HMCN2: variants seen among roughly 807,000 people sequenced by gnomAD.
The protein encoded by HMCN2 is hemicentin 2, also known as hemicentin-2.
A neutral mutation model predicts 377.5 loss-of-function variants in HMCN2; 325 were observed. The ratio of observed to expected loss-of-function variants is 0.86; its 90% CI spans 0.79 to 0.94. The LOEUF is 0.94. Among genes scored for constraint, HMCN2 ranks in the 40% least tolerant of loss-of-function variants. The pLI is 0.00. For synonymous variants in HMCN2, 2,007 were observed against 2,046.8 expected, an observed-to-expected ratio of 0.98 and a Z score of 0.53; for missense variants, 4,543 against 4,725.3, an observed-to-expected ratio of 0.96 and a Z score of 1.13.
intron 4 of HMCN2, among the ~76,000 whole-genome samples, chr9:130,290,004 G>A (rs1835663367): frequency 6.6e-6 from 1 of 152,206 alleles, no homozygotes; most frequent in Non-Finnish European, 1.5e-5. Flanking sequence ...TGCTGCGAAG[G>A]GTCGAGCAGC....
chr9:130,319,767 G>C (rs1837751820), intron 16 of HMCN2, 72 bp downstream of exon 16: 1 of 152,134 alleles, frequency 6.6e-6, no homozygotes, highest in Non-Finnish European at 1.5e-5. Flanking sequence ...CCCCAGGCCA[G>C]GTGGCCGAGA....
rs2131687646 is a variant in HMCN2, at chr9:130,394,526, T to A, written c.10643T>A (p.Leu3548Gln). ...AAGGACGGGCAGGCCCTGACCAGGC[T>A]GGAGAACAACAGCAGAGCCACACGG... is the stretch of plus-strand genomic sequence containing the variant. ...WHKDGQALTRLENNSRATRVL... is the reference protein window; with the variant it reads ...WHKDGQALTRQENNSRATRVL... Residue 3548 changes from leucine (L) to glutamine (Q), a missense_variant, in exon 69 of 98, where the codon CTG (leucine) becomes CAG (glutamine). Physicochemically the swap from Leu to Gln is moderately radical, Grantham distance 113. Around this residue, in one of 5 missense-constraint regions of HMCN2, gnomAD observed 1,073 missense variants for 1,319.5 expected, o/e 0.81. Transcript: ENST00000683500. The surrounding 1 kb of genome is among the most constrained non-coding windows in gnomAD (Gnocchi z 5.1). 7.8e-7 allele frequency: 1 copy of A among 1,289,678 alleles called. No homozygotes were observed. Among genetic ancestry groups the A allele is most frequent in the South Asian group, 1.2e-5 (1 of 81,020 alleles). 79.9% of individuals were successfully genotyped at this position (1,289,678 alleles called of 1,614,324 possible). A position where few individuals can be genotyped will look rare whatever the true frequency, so the allele number is the denominator to read the frequency against.
At position 130,424,801 on chromosome 9, in the gene HMCN2, C is replaced by T. The variant is rs1844229161; in HGVS notation, c.13407C>T (p.Val4469=). Residue 4469 remains valine, a synonymous_variant, in exon 88 of 98, where the codon GTC becomes GTT. Coordinates refer to ENST00000683500, the MANE Select transcript of HMCN2 (RefSeq NM_001291815.2). ...NVGPLMRVLV[V]TIAPIYWALA... is the part of the protein sequence containing the mutation. ...GGCCTCTGATGCGGGTGCTCGTGGTCACCATCGCCCCCATCTACTGGGCCC... is the reference window on the plus strand; with the variant it reads ...GGCCTCTGATGCGGGTGCTCGTGGTTACCATCGCCCCCATCTACTGGGCCC... The T allele has an allele frequency of 6.5e-7, 1 of 1,538,794 alleles. No individual in the cohort carries two copies. Among genetic ancestry groups the T allele is most frequent in the Non-Finnish European group, 8.8e-7 (1 of 1,139,930 alleles).
intron 22 of HMCN2, among the ~76,000 whole-genome samples, chr9:130,333,204 C>A (rs1485739823): frequency 1.3e-5 from 2 of 152,228 alleles, no homozygotes; most frequent in Non-Finnish European, 2.9e-5. Context: ...GGCTCCTTCC[C>A]TCACGGAGCC....
chr9:130,416,100 A>ATTT (rs34382467), intron 85 of HMCN2, among the ~76,000 whole-genome samples: 1,786 of 130,174 alleles, frequency 0.014, 30 homozygotes, highest in Admixed American at 0.021. Flanking sequence ...TAGAGGCTTT[A>ATTT]TTTTTTTTTT....
chr9:130,311,971 G>A (rs1415502258), intron 15 of HMCN2, among the ~76,000 whole-genome samples: 2 of 152,202 alleles, frequency 1.3e-5, no homozygotes, highest in African/African-American at 2.4e-5. Flanking sequence ...ACGGAAACAC[G>A]AGCCGGCGCT....
Position 130,354,774 on chromosome 9 carries a change from A to G in HMCN2, c.4876A>G (p.Ile1626Val), listed in dbSNP as rs1839930882. Residue 1626 changes from isoleucine to valine, a missense_variant, in exon 32 of 98, where the codon ATC becomes GTC. Physicochemically the swap from Ile to Val is conservative, Grantham distance 29 (BLOSUM62 3). This residue lies in a region of HMCN2 where 1,032 missense variants were observed against 1,285.1 expected (regional missense o/e 0.80). Transcript: ENST00000683500. ...TRLDVYVPPTIEGAGGRPYVV... is the reference protein window; with the variant it reads ...TRLDVYVPPTVEGAGGRPYVV... ...TGCCTCTTTTCCAGTCCCACCTACC[A>G]TCGAGGGCGCCGGTGGAAGACCATA... 7.7e-7 allele frequency: 1 copy of G among 1,300,810 alleles called. No individual in the cohort carries two copies. Among genetic ancestry groups the G allele is most frequent in the South Asian group, 1.2e-5 (1 of 80,846 alleles). 80.6% of individuals were successfully genotyped at this position (1,300,810 alleles called of 1,614,324 possible). A position where few individuals can be genotyped will look rare whatever the true frequency, so the allele number is the denominator to read the frequency against.
At position 130,403,265 on chromosome 9, in the gene HMCN2, G is replaced by A. The variant is rs944210932; in HGVS notation, c.11950G>A (p.Glu3984Lys). ...AGAGGAGGAGGTGCTGCTGCCCTGC[G>A]AGGCCTCAGGCATCCCCCGGCCGAC... The part of the protein sequence containing the change: ...VAEEEVLLPC[E>K]ASGIPRPTIT... The change falls in exon 79 of 98, where the codon GAG becomes AAG. Residue 3984 changes from glutamate (E) to lysine (K), a missense_variant. Glu to Lys is a moderately conservative substitution (Grantham distance 56). This residue lies in a region of HMCN2 where 1,073 missense variants were observed against 1,319.5 expected (regional missense o/e 0.81). Coordinates refer to ENST00000683500, the MANE Select transcript of HMCN2 (RefSeq NM_001291815.2). 30 of 1,289,652 alleles carry A rather than the reference G, an allele frequency of 2.3e-5. No individual in the cohort carries two copies. The highest frequency in any genetic ancestry group is 4.6e-5 in the African/African-American group (3 of 65,842). 79.9% of individuals were successfully genotyped at this position (1,289,652 alleles called of 1,614,324 possible).
chr9:130,390,561 G>T (rs908367821), intron 62 of HMCN2, among the ~76,000 whole-genome samples: 1 of 152,226 alleles, frequency 6.6e-6, no homozygotes, highest in Admixed American at 6.5e-5. Flanking sequence ...TGAAGGCCGG[G>T]AGTGGGAGGA....
rs1434118733 is a variant in HMCN2 at position 130,295,685 on chromosome 9, C to T, written c.804C>T (p.Asp268=). 5 of 470,788 alleles carry T rather than the reference C, an allele frequency of 1.1e-5. No individual in the cohort carries two copies. Among genetic ancestry groups the T allele is most frequent in the Middle Eastern group, 3.2e-4 (1 of 3,094 alleles). 29.2% of individuals were successfully genotyped at this position (470,788 alleles called of 1,614,324 possible). Residue 268 remains aspartate, a synonymous_variant, in exon 6 of 98, where the codon GAC becomes GAT. Transcript: ENST00000683500. ...CCACAGGGAGGATCCTGCAGGAGGA[C>T]GAGGGCCTCAACGTGCTTCTCAACA... The part of the protein sequence containing the change: ...QDPLGRILQE[D]EGLNVLLNIP...
chr9:130,368,721 G>A (rs1840836707), intron 44 of HMCN2, among the ~76,000 whole-genome samples: 2 of 152,038 alleles, frequency 1.3e-5, no homozygotes, highest in South Asian at 2.1e-4. Context: ...AGCAAGGCAC[G>A]CCTTACATGT....
At chr9:130,293,514 C>T (rs1490664529) in intron 4 of HMCN2, among the ~76,000 whole-genome samples, 5 of 151,898 alleles carry the variant, frequency 3.3e-5, no homozygotes, top group Admixed American at 6.6e-5. Context: ...CCTTCCTCTC[C>T]CTCTGTCTTG....
intron 94 of HMCN2, chr9:130,430,023 G>A: frequency 5.0e-6 from 3 of 598,084 alleles, no homozygotes; most frequent in Non-Finnish European, 8.8e-6. Flanking sequence ...TCTAACTGGG[G>A]CACTGAAGGG....
rs1422307088 is a variant in HMCN2 at position 130,402,590 on chromosome 9, C to T, written c.11771-199C>T. Among the ~76,000 whole-genome samples the T allele has an allele frequency of 3.9e-5, 6 of 152,306 alleles. No homozygotes were observed. The East Asian group carries it at 1.2e-3, about 29-fold the overall frequency. On this transcript the variant is annotated intron_variant, in intron 77 of 97. Coordinates refer to ENST00000683500, the MANE Select transcript of HMCN2 (RefSeq NM_001291815.2). ...GTCCAGAGAGTGGAAGGAACTCGCC[C>T]ATGTCTCTGCTTTGGGCAGGGCACA... is the stretch of plus-strand genomic sequence containing the variant.
At chr9:130,314,373 T>A (rs1218735953) in intron 15 of HMCN2, among the ~76,000 whole-genome samples, 1 of 152,170 alleles carries the variant, frequency 6.6e-6, no homozygotes, top group Non-Finnish European at 1.5e-5. Flanking sequence ...TCTTTTAAAA[T>A]CAGAATTAAA....
In HMCN2 at chr9:130,414,239, C is replaced by T. The variant is rs539973683; in HGVS notation, c.12961+3587C>T. 3.3e-5 allele frequency among the ~76,000 whole-genome samples: 5 copies of T among 152,230 alleles called. No individual in the cohort carries two copies. In the South Asian group the frequency reaches 6.2e-4, roughly 19 times the overall value. Reference sequence around the variant, plus strand: ...TCTACTGAGTGGGAAGCTCCTCCCCCGTGTGGCCAGGTGGGCAGCGAGGGT... The same window carrying T: ...TCTACTGAGTGGGAAGCTCCTCCCCTGTGTGGCCAGGTGGGCAGCGAGGGT... On this transcript the variant is annotated intron_variant, in intron 85 of 97. Coordinates refer to ENST00000683500, the MANE Select transcript of HMCN2 (RefSeq NM_001291815.2). This position sits in a 1 kb window ranked among gnomAD's most constrained non-coding sequence, Gnocchi z 4.4.
chr9:130,308,038 C>T lies in HMCN2; in HGVS notation c.2200+472C>T, dbSNP rs1236940397. Among the ~76,000 whole-genome samples, 1 of 151,986 alleles carries T rather than the reference C, an allele frequency of 6.6e-6. No individual in the cohort carries two copies. The highest frequency in any genetic ancestry group is 6.6e-5 in the Admixed American group (1 of 15,264). ...GTGGTGTAATCTCGGCTCACTGCAG[C>T]CTCCACCTCCTGGGTTCAAGGGATT... On this transcript the variant is annotated intron_variant, in intron 14 of 97. Coordinates refer to ENST00000683500, the MANE Select transcript of HMCN2 (RefSeq NM_001291815.2). This position sits in a 1 kb window ranked among gnomAD's most constrained non-coding sequence, Gnocchi z 4.1.
intron 1 of HMCN2, among the ~76,000 whole-genome samples, chr9:130,279,986 C>T (rs1315981750): frequency 2.6e-5 from 4 of 152,076 alleles, no homozygotes; most frequent in African/African-American, 4.8e-5. Flanking sequence ...GAGAGACAGA[C>T]GCCCTACTGC....
Position 130,347,740 on chromosome 9 carries a change from G to C in HMCN2, c.4024+380G>C, listed in dbSNP as rs905749472. ...CATTTTAAAATGACCCCTTGGCTGG[G>C]CATGGTGGCTTGCACCTGTAATCCT... On this transcript the variant is annotated intron_variant, in intron 26 of 97. Coordinates refer to ENST00000683500, the MANE Select transcript of HMCN2 (RefSeq NM_001291815.2). The surrounding 1 kb of genome is among the most constrained non-coding windows in gnomAD (Gnocchi z 5.1). 2.0e-5 allele frequency among the ~76,000 whole-genome samples: 3 copies of C among 152,206 alleles called. No individual in the cohort carries two copies. Among genetic ancestry groups the C allele is most frequent in the African/African-American group, 7.2e-5 (3 of 41,442 alleles).
Sources: gnomAD v4.1 joint callset for allele counts (sites outside exome capture counted in the v4.1 genomes callset) on GRCh38, gnomAD v4.1.1 for gene constraint, gnomAD v4.1.1 regional missense constraint, Gnocchi (gnomAD v3.1) non-coding constraint, MANE v1.5 for transcripts, NCBI Gene and HGNC (gene_info 2026-07-23, HGNC 2026-07-21) for gene names.